MED23: variants seen among roughly 807,000 people sequenced by gnomAD.
MED23 encodes the protein mediator complex subunit 23.
A neutral mutation model predicts 163.9 loss-of-function variants in MED23; 105 were observed. The observed-to-expected ratio is 0.64, with a 90% CI of 0.55 to 0.75. The LOEUF is 0.75. MED23 is among the 30% of genes least tolerant of loss of function. MED23 has a pLI of 0.00. For synonymous variants in MED23, 561 were observed against 565.6 expected, an observed-to-expected ratio of 0.99 and a Z score of 0.12; for missense variants, 1,054 against 1,649.0, an observed-to-expected ratio of 0.64 and a Z score of 6.25.
At chr6:131,595,909 G>C in intron 22 of MED23, 38 bp downstream of exon 22, 6 of 1,463,968 alleles carry the variant, frequency 4.1e-6, no homozygotes, top group Non-Finnish European at 5.7e-6. Context: ...TTTTGATAAT[G>C]GAGGTATTAG....
chr6:131,580,678 A>G (rs1402259361), intron 30 of MED23, among the ~76,000 whole-genome samples: 2 of 152,370 alleles, frequency 1.3e-5, no homozygotes, highest in East Asian at 3.9e-4. Flanking sequence ...GAATAGAATG[A>G]GTGAACACAC....
intron 30 of MED23, among the ~76,000 whole-genome samples, chr6:131,578,501 G>T (rs1773742571): frequency 6.6e-6 from 1 of 152,080 alleles, no homozygotes; most frequent in Non-Finnish European, 1.5e-5. Flanking sequence ...TTACTAAAAA[G>T]AATAACTAAA....
intron 11 of MED23, 99 bp from the exon 12 acceptor site, chr6:131,608,170 C>CG (rs1162790302): frequency 7.2e-6 from 9 of 1,243,918 alleles, no homozygotes; most frequent in East Asian, 5.1e-5. Context: ...TAAGGAGAAA[C>CG]CTGGTTCTTG....
intron 15 of MED23, among the ~76,000 whole-genome samples, chr6:131,603,499 A>G (rs943146694): frequency 2.0e-5 from 3 of 152,114 alleles, no homozygotes; most frequent in African/African-American, 4.8e-5. Flanking sequence ...CTCAATTCTG[A>G]TATCTTTTAT....
chr6:131,622,221 T>G (rs1364976352), intron 5 of MED23, among the ~76,000 whole-genome samples: 1 of 152,240 alleles, frequency 6.6e-6, no homozygotes, highest in Non-Finnish European at 1.5e-5. Context: ...CAAGCTTTTT[T>G]GGCCCTCATA....
chr6:131,619,564 T>C (rs1230940479), intron 8 of MED23, among the ~76,000 whole-genome samples: 4 of 152,208 alleles, frequency 2.6e-5, no homozygotes. Context: ...TGTATTAAAA[T>C]GTCTTTCTAA....
chr6:131,606,710 T>A, intron 12 of MED23, 86 bp from the exon 13 acceptor site: 1 of 1,173,210 alleles, frequency 8.5e-7, no homozygotes. Context: ...CAATTTCTAA[T>A]ATAACTCTTT....
chr6:131,587,880 A>G, intron 28 of MED23, 34 bp from the exon 29 acceptor site: 1 of 1,562,600 alleles, frequency 6.4e-7, no homozygotes, highest in South Asian at 1.2e-5. Flanking sequence ...ACGTACTTTA[A>G]TCAGAGAATT....
At chr6:131,600,003 A>G in intron 18 of MED23, 35 bp downstream of exon 18, 1 of 1,611,892 alleles carries the variant, frequency 6.2e-7, no homozygotes, top group Non-Finnish European at 8.5e-7. Flanking sequence ...GAAGGATTTC[A>G]TGTGCATTCA....
Position 131,576,843 on chromosome 6 carries a change from C to T in MED23, c.4096-2548G>A, listed in dbSNP as rs576331835. ...GTCTGGAATATTTACATCAGAATTG[C>T]GGTACTGGTTACAACCCGAGAAACA... is the stretch of plus-strand genomic sequence containing the variant. On this transcript the variant is annotated intron_variant, in intron 30 of 30. Coordinates refer to the MED23 transcript ENST00000354577. The T allele has an allele frequency of 3.5e-5, 35 of 998,842 alleles. No individual in the cohort carries two copies. The East Asian group carries it at 4.9e-4, about 14-fold the overall frequency. The allele number at this position is 998,842 out of a possible 1,614,324, so 61.9% of individuals were successfully genotyped here.
exon 31 of MED23, chr6:131,574,019 C>T: frequency 2.0e-6 from 1 of 494,342 alleles, no homozygotes; most frequent in Non-Finnish European, 3.7e-6. Context: ...GATTTCCTTA[C>T]AGCCACGAGC....
intron 13 of MED23, among the ~76,000 whole-genome samples, chr6:131,606,050 G>T (rs1181913542): frequency 6.6e-6 from 1 of 152,116 alleles, no homozygotes; most frequent in Non-Finnish European, 1.5e-5. Flanking sequence ...AACTTTGGAA[G>T]AGATATTAAG....
Position 131,610,165 on chromosome 6 carries a change from TCTC to T in MED23, c.955_957del (p.Glu319del). On this transcript the variant is annotated inframe_deletion, in exon 11 of 29. Transcript: ENST00000368068. Reference sequence around the variant, plus strand: ...TGGCTTGTTCCCCCATCGTCAAACTTCTCCTCGGTCTCAGATCGCTCCATGGCA... The same window carrying T: ...TGGCTTGTTCCCCCATCGTCAAACTTCTCGGTCTCAGATCGCTCCATGGCA... 1 of 1,613,924 alleles carries T rather than the reference TCTC, an allele frequency of 6.2e-7. No homozygotes were observed. The highest frequency in any genetic ancestry group is 1.1e-5 in the South Asian group (1 of 91,070).
chr6:131,626,199 A>G (rs1187716374), intron 3 of MED23, among the ~76,000 whole-genome samples: 1 of 151,844 alleles, frequency 6.6e-6, no homozygotes, highest in Non-Finnish European at 1.5e-5. Context: ...TATAACCCTT[A>G]TGGAAAATTT....
At chr6:131,581,488 A>C in intron 30 of MED23, 3 of 1,290,540 alleles carry the variant, frequency 2.3e-6, no homozygotes, top group Non-Finnish European at 3.2e-6. Context: ...TGTAATCTCA[A>C]ATCATTTTCT....
At chr6:131,581,547 C>T (rs995977412) in intron 30 of MED23, among the ~76,000 whole-genome samples, 1 of 152,200 alleles carries the variant, frequency 6.6e-6, no homozygotes, top group African/African-American at 2.4e-5. Flanking sequence ...GTGAGGCTCT[C>T]TATCTCTGCC....
intron 3 of MED23, among the ~76,000 whole-genome samples, chr6:131,626,137 AAAAG>A (rs1562410642): frequency 6.6e-6 from 1 of 151,392 alleles, no homozygotes. Flanking sequence ...AAAAAAAAAA[AAAAG>A]AAAAGAAAAA....
downstream of MED23, chr6:131,583,743 G>A (rs747275658): frequency 1.5e-5 from 25 of 1,613,640 alleles, no homozygotes; most frequent in Non-Finnish European, 2.1e-5. Context: ...TTGTTGTAGG[G>A]CTACTCTCAG....
rs747402580 is a variant in MED23 at position 131,600,096 on chromosome 6, C to T, written c.2162G>A (p.Ser721Asn). Residue 721 changes from serine (S) to asparagine (N), a missense_variant, in exon 18 of 29, where the codon AGT becomes AAT. Around this residue, in one of 11 missense-constraint regions of MED23, gnomAD observed 228 missense variants for 461.3 expected, o/e 0.49. Transcript: ENST00000368068. ...WCKDILQTIMSFTPHNWASHT... is the reference protein window; with the variant it reads ...WCKDILQTIMNFTPHNWASHT... ...TGAAGCCCAATTATGAGGAGTGAAA[C>T]TCATGATGGTCTGAAGTATGTCTTT... 8 of 1,613,678 alleles carry T rather than the reference C, an allele frequency of 5.0e-6. No individual in the cohort carries two copies. The Middle Eastern group carries it at 1.3e-3, about 266-fold the overall frequency.
Sources: allele counts gnomAD v4.1 joint callset (sites outside exome capture counted in the v4.1 genomes callset), GRCh38; gene constraint gnomAD v4.1.1; regional missense constraint gnomAD v4.1.1; transcripts MANE v1.5; gene names NCBI Gene and HGNC (gene_info 2026-07-23, HGNC 2026-07-21).